LYPD3: variants seen among roughly 807,000 people sequenced by gnomAD.
LYPD3 encodes ly6/PLAUR domain-containing protein 3.
A neutral mutation model predicts 21.7 loss-of-function variants in LYPD3; 22 were observed. That is an observed-to-expected ratio of 1.01 (90% CI 0.72 to 1.45). The LOEUF (loss-of-function observed/expected upper bound fraction) is 1.45. LYPD3 is among the 40% of genes most tolerant of loss of function. The pLI is 0.00. For synonymous variants in LYPD3, 179 were observed against 203.0 expected (o/e 0.88, Z 1.00); for missense variants, 471 against 466.9 (o/e 1.01, Z -0.08).
Position 43,464,308 on chromosome 19 carries a change from CG to C in LYPD3, c.211+16del, listed in dbSNP as rs749433214. 1 of 1,590,916 alleles carries C rather than the reference CG, an allele frequency of 6.3e-7. No homozygotes were observed. On this transcript the variant is annotated intron_variant, in intron 2 of 4. Transcript: ENST00000244333. ...GGAGCCTGCAGTGGTGTGCGTGGCC[CG>C]GGGGTCCCCACTCACTGGTCTCCAC...
At chr19:43,464,790 C>A (rs914541874) in intron 1 of LYPD3, among the ~76,000 whole-genome samples, 8 of 152,130 alleles carry the variant, frequency 5.3e-5, no homozygotes, top group Admixed American at 5.2e-4. Context: ...ACTTTTCCCA[C>A]AGTGTGTGGG....
intron 2 of LYPD3, chr19:43,464,007 G>C (rs984239731): frequency 3.2e-6 from 2 of 617,396 alleles, no homozygotes; most frequent in Non-Finnish European, 5.7e-6. Context: ...TGAGTCGGAG[G>C]AGACAGCCTG....
rs557019853 is a variant in LYPD3 at position 43,461,569 on chromosome 19, G to A, written c.823C>T (p.Pro275Ser). The A allele has an allele frequency of 6.2e-7, 1 of 1,614,190 alleles. No homozygotes were observed. Among genetic ancestry groups the A allele is most frequent in the African/African-American group, 1.3e-5 (1 of 75,046 alleles). The part of the protein sequence containing the change: ...PTSTTKPMPA[P>S]TSQTPRQGVE... ...CCCTGTCTCGGAGTCTGACTGGTTG[G>A]CGCTGGCATGGGTTTGGTGGTGGAT... is the stretch of plus-strand genomic sequence containing the variant. The change falls in exon 5 of 5, where the codon CCA becomes TCA. Residue 275 changes from proline (P) to serine (S), a missense_variant. Coordinates refer to ENST00000244333, the MANE Select transcript of LYPD3 (RefSeq NM_014400.3).
rs867437967 is a variant in LYPD3 at position 43,463,632 on chromosome 19, G to A, written c.349C>T (p.Leu117Phe). 2.5e-6 allele frequency: 4 copies of A among 1,604,934 alleles called. No homozygotes were observed. The highest frequency in any genetic ancestry group is 3.3e-4 in the Middle Eastern group (2 of 6,060). Residue 117 changes from leucine (L) to phenylalanine (F), a missense_variant, in exon 3 of 5, where the codon CTC becomes TTC. By Grantham distance (22) the Leu-to-Phe change is conservative (BLOSUM62 0). Coordinates refer to ENST00000244333, the MANE Select transcript of LYPD3 (RefSeq NM_014400.3). The stretch of plus-strand genomic sequence containing the variant: ...TCGAGCGCCCGCGAGGTGAGGTTGA[G>A]CTTGGCGTTGCAGCGATCCTGAGCG... ...QCAQDRCNAK[L>F]NLTSRALDPA...
At position 43,463,739 on chromosome 19, in the gene LYPD3, C is replaced by T. The variant is rs763376186; in HGVS notation, c.242G>A (p.Gly81Asp). The T allele has an allele frequency of 1.2e-6, 2 of 1,613,408 alleles. No homozygotes were observed. Among genetic ancestry groups the T allele is most frequent in the South Asian group, 1.1e-5 (1 of 91,088 alleles). The change falls in exon 3 of 5, where the codon GGT becomes GAT. Residue 81 changes from glycine to aspartate, a missense_variant. Coordinates refer to ENST00000244333, the MANE Select transcript of LYPD3 (RefSeq NM_014400.3). ...CTTGCCGGGGAGTCCCGAACCGCAA[C>T]CCCGCACTGCCAGCGAGAATTGTCC... ...IHGQFSLAVR[G>D]CGSGLPGKND...
Position 43,463,656 on chromosome 19 carries a change from C to A in LYPD3, c.325G>T (p.Ala109Ser), listed in dbSNP as rs1446478260. 1.9e-6 allele frequency: 3 copies of A among 1,608,604 alleles called. No individual in the cohort carries two copies. In the South Asian group the frequency reaches 3.3e-5, roughly 18 times the overall value. ...LLAFIQLQQC[A>S]QDRCNAKLNL... ...AGCTTGGCGTTGCAGCGATCCTGAG[C>A]GCATTGCTGCAGCTGGATGAACGCC... The change falls in exon 3 of 5, where the codon GCT (alanine) becomes TCT (serine). Residue 109 changes from alanine (A) to serine (S), a missense_variant. Transcript: ENST00000244333.
chr19:43,464,532 A>G (rs1599923173), intron 1 of LYPD3, 76 bp from the exon 2 acceptor site: 1 of 1,579,182 alleles, frequency 6.3e-7, no homozygotes, highest in Non-Finnish European at 8.7e-7. Flanking sequence ...AGTCCTTCCC[A>G]TGCCCTCTGT....
rs1176780682 is a variant in LYPD3 at position 43,464,260 on chromosome 19, T to TA, written c.211+64dup. The TA allele has an allele frequency of 2.6e-6, 4 of 1,541,650 alleles. No homozygotes were observed. In the African/African-American group the frequency reaches 5.5e-5, roughly 21 times the overall value. ...GCGTGGCCAGATCCAGAAAGGACTA[T>TA]AAGGAGGCGGGGCTGGGCCGGAGGA... On this transcript the variant is annotated intron_variant, in intron 2 of 4. Transcript: ENST00000244333.
chr19:43,464,016 T>C, intron 2 of LYPD3: 1 of 615,348 alleles, frequency 1.6e-6, no homozygotes, highest in Non-Finnish European at 2.9e-6. Flanking sequence ...GGAGACAGCC[T>C]GGTTGACAGG....
intron 2 of LYPD3, 42 bp from the exon 3 acceptor site, chr19:43,463,811 C>A: frequency 6.2e-7 from 1 of 1,600,482 alleles, no homozygotes. Context: ...TGGGCGTGGT[C>A]TCAGATGGGG....
In LYPD3 at chr19:43,461,185, T is replaced by C; in HGVS notation, c.*166A>G. On this transcript the variant is annotated 3_prime_UTR_variant, in exon 5 of 5. Transcript: ENST00000244333. ...GCAGAATATATACAACGGTATTTTA[T>C]TTCCCAAAGCCGCAAACCAGCGCAG... 1.2e-6 allele frequency: 1 copy of C among 804,954 alleles called. No homozygotes were observed. The highest frequency in any genetic ancestry group is 1.9e-6 in the Non-Finnish European group (1 of 519,822). The allele number at this position is 804,954 out of a possible 1,614,324, so 49.9% of individuals were successfully genotyped here.
At chr19:43,464,197 G>T in intron 2 of LYPD3, 128 bp downstream of exon 2, 1 of 1,276,634 alleles carries the variant, frequency 7.8e-7, no homozygotes, top group Non-Finnish European at 1.1e-6. Context: ...TAGGGTCCCG[G>T]CCAGGCTGAA....
chr19:43,463,476 C>G, intron 3 of LYPD3, 123 bp downstream of exon 3: 1 of 1,403,540 alleles, frequency 7.1e-7, no homozygotes, highest in Non-Finnish European at 9.7e-7. Context: ...TTGGCCCCGC[C>G]CCAGAGTGTG....
chr19:43,462,052 C>CA (rs1970780794), intron 4 of LYPD3, among the ~76,000 whole-genome samples: 1 of 150,712 alleles, frequency 6.6e-6, no homozygotes, highest in South Asian at 2.1e-4. Flanking sequence ...AAAAAAAGAA[C>CA]AGAGAACCCC....
At chr19:43,464,071 G>T in intron 2 of LYPD3, 1 of 622,196 alleles carries the variant, frequency 1.6e-6, no homozygotes, top group Non-Finnish European at 2.8e-6. Context: ...AAGTGCATAG[G>T]ACGTGACCTC....
At chr19:43,465,051 C>G (rs890808218) in intron 1 of LYPD3, among the ~76,000 whole-genome samples, 1 of 151,918 alleles carries the variant, frequency 6.6e-6, no homozygotes, top group Non-Finnish European at 1.5e-5. Flanking sequence ...GCCTCAGCCT[C>G]CCGAGTAGCT....
chr19:43,460,886 G>A lies in LYPD3; in HGVS notation c.*465C>T. 1 of 183,458 alleles carries A rather than the reference G, an allele frequency of 5.5e-6. No individual in the cohort carries two copies. Among genetic ancestry groups the A allele is most frequent in the Non-Finnish European group, 1.2e-5 (1 of 86,628 alleles). The allele number at this position is 183,458 out of a possible 1,614,324, so 11.4% of individuals were successfully genotyped here. A position where few individuals can be genotyped will look rare whatever the true frequency, so the allele number is the denominator to read the frequency against. ...GGTCCCTGCCCTCGAGGAGCTCACA[G>A]TCTAGTAAGGAAGACATATGGGGAA... On this transcript the variant is annotated 3_prime_UTR_variant, in exon 5 of 5. Transcript: ENST00000244333.
intron 1 of LYPD3, among the ~76,000 whole-genome samples, chr19:43,465,225 C>T (rs185872046): frequency 1.7e-3 from 253 of 152,272 alleles, no homozygotes; most frequent in Admixed American, 3.6e-3. Flanking sequence ...CCGCGCCCGG[C>T]CTAGGAACAG....
chr19:43,461,902 G>A (rs1970779493), intron 4 of LYPD3, 55 bp from the exon 5 acceptor site: 2 of 1,560,482 alleles, frequency 1.3e-6, no homozygotes, highest in Non-Finnish European at 1.7e-6. Context: ...GGTTGACATG[G>A]CCAGAACAAA....
Sources: allele counts gnomAD v4.1 joint callset (sites outside exome capture counted in the v4.1 genomes callset), GRCh38; gene constraint gnomAD v4.1.1; transcripts MANE v1.5; gene names NCBI Gene and HGNC (gene_info 2026-07-23, HGNC 2026-07-21).